The following MAML2 variants were observed in gnomAD, a reference collection of about 807,000 sequenced individuals.
MAML2 encodes the protein mastermind like transcriptional coactivator 2.
Under a neutral mutation model 96.1 loss-of-function variants are expected in MAML2, and 22 were observed. The ratio of observed to expected loss-of-function variants is 0.23; its 90% confidence interval spans 0.16 to 0.33. The LOEUF is 0.33. Ranked by LOEUF, MAML2 falls within the 10% of genes least tolerant of loss-of-function variation. MAML2 has a pLI of 1.00. For synonymous variants in MAML2, 561 were observed against 521.3 expected (o/e 1.08, Z -1.04); for missense variants, 1,367 against 1,392.4 (o/e 0.98, Z 0.29).
chr11:96,253,569 G>A (rs1862616715), intron 1 of MAML2, among the ~76,000 whole-genome samples: 1 of 152,176 alleles, frequency 6.6e-6, no homozygotes, highest in South Asian at 2.1e-4. Context: ...TGATTGCTGG[G>A]ATTTTTGCTG....
intron 1 of MAML2, among the ~76,000 whole-genome samples, chr11:96,117,492 G>A (rs1214469709): frequency 6.6e-6 from 1 of 151,806 alleles, no homozygotes; most frequent in African/African-American, 2.4e-5. Flanking sequence ...TTGAGACAAG[G>A]TTTTGCCACA....
At chr11:96,082,085 T>C (rs765075012) in intron 2 of MAML2, among the ~76,000 whole-genome samples, 1 of 152,202 alleles carries the variant, frequency 6.6e-6, no homozygotes, top group Non-Finnish European at 1.5e-5. Flanking sequence ...TCAGGCACTG[T>C]GTTTGCCCTT....
chr11:96,120,140 G>T lies in MAML2; in HGVS notation c.514-26623C>A, dbSNP rs941009547. Among the ~76,000 whole-genome samples, 11 of 152,142 alleles carry T rather than the reference G, an allele frequency of 7.2e-5. No homozygotes were observed. In the South Asian group the frequency reaches 2.3e-3, roughly 32 times the overall value. On this transcript the variant is annotated intron_variant, in intron 1 of 4. Coordinates refer to ENST00000524717, the MANE Select transcript of MAML2 (RefSeq NM_032427.4). ...GCCCGGCTAATTTTTTGTATTTTTA[G>T]TAGAGACAGGGTTTTGCCGTGTTAG...
intron 1 of MAML2, among the ~76,000 whole-genome samples, chr11:96,278,394 C>T (rs754850789): frequency 8.5e-5 from 13 of 152,138 alleles, no homozygotes; most frequent in Non-Finnish European, 1.6e-4. Context: ...TGTTGGTGGT[C>T]ACTGCCCTAA....
At chr11:96,255,119 C>T (rs1862644200) in intron 1 of MAML2, among the ~76,000 whole-genome samples, 1 of 152,192 alleles carries the variant, frequency 6.6e-6, no homozygotes, top group Non-Finnish European at 1.5e-5. Flanking sequence ...CGCAAGTTAC[C>T]ACACCCAGCC....
chr11:96,140,706 T>A (rs1388582336), intron 1 of MAML2, among the ~76,000 whole-genome samples: 1 of 152,142 alleles, frequency 6.6e-6, no homozygotes, highest in Non-Finnish European at 1.5e-5. Context: ...CCACTCCAGA[T>A]CTACATGACA....
At chr11:96,055,431 G>C (rs369435701) in intron 2 of MAML2, among the ~76,000 whole-genome samples, 1 of 151,536 alleles carries the variant, frequency 6.6e-6, no homozygotes, top group African/African-American at 2.4e-5. Flanking sequence ...AGGCAGGGGG[G>C]AAAAAAAAGA....
chr11:96,170,480 T>C (rs1171389661), intron 1 of MAML2, among the ~76,000 whole-genome samples: 1 of 152,220 alleles, frequency 6.6e-6, no homozygotes, highest in African/African-American at 2.4e-5. Context: ...TGCTTTCTGA[T>C]AAGCTTTTTA....
chr11:96,011,590 T>C (rs539680734), intron 2 of MAML2, among the ~76,000 whole-genome samples: 119 of 152,124 alleles, frequency 7.8e-4, no homozygotes, highest in Non-Finnish European at 1.2e-3. Context: ...GGAGAGAGGC[T>C]GGGGCAGACA....
chr11:96,333,963 ACTGAATT>A (rs1279189475), intron 1 of MAML2, among the ~76,000 whole-genome samples: 1 of 152,220 alleles, frequency 6.6e-6, no homozygotes, highest in Non-Finnish European at 1.5e-5. Context: ...GGAAACCCAG[ACTGAATT>A]CTAGAAGTAA....
chr11:96,162,176 C>CTTTTT (rs36006515), intron 1 of MAML2, among the ~76,000 whole-genome samples: 5 of 105,954 alleles, frequency 4.7e-5, no homozygotes, highest in Non-Finnish European at 7.5e-5. Context: ...ATCAATCTAA[C>CTTTTT]TTTTTTTTTT....
intron 3 of MAML2, among the ~76,000 whole-genome samples, chr11:95,988,602 TTA>T (rs1036955412): frequency 4.1e-5 from 6 of 147,712 alleles, no homozygotes; most frequent in Admixed American, 6.8e-5. Flanking sequence ...CATATATCAT[TTA>T]TATATATATA....
intron 1 of MAML2, among the ~76,000 whole-genome samples, chr11:96,208,787 A>T (rs1205216174): frequency 6.6e-6 from 1 of 152,218 alleles, no homozygotes; most frequent in Non-Finnish European, 1.5e-5. Context: ...CACCAGGGAA[A>T]GGTGAAGTCC....
At chr11:96,206,593 A>G (rs775974815) in intron 1 of MAML2, among the ~76,000 whole-genome samples, 2 of 152,242 alleles carry the variant, frequency 1.3e-5, no homozygotes, top group Non-Finnish European at 2.9e-5. Context: ...GCGAGACTCC[A>G]TCTCAAAAAA....
At chr11:96,243,801 A>C (rs556407619) in intron 1 of MAML2, among the ~76,000 whole-genome samples, 78 of 151,906 alleles carry the variant, frequency 5.1e-4, no homozygotes, top group East Asian at 1.2e-3. Context: ...CTACAGGCGC[A>C]CGCCACCACG....
chr11:96,230,256 G>A (rs1862274372), intron 1 of MAML2, among the ~76,000 whole-genome samples: 1 of 152,092 alleles, frequency 6.6e-6, no homozygotes, highest in Non-Finnish European at 1.5e-5. Context: ...AAAATTTTCA[G>A]TTTATAAAAA....
chr11:96,173,875 T>C (rs79005307), intron 1 of MAML2, among the ~76,000 whole-genome samples: 10,989 of 152,294 alleles, frequency 0.072, 493 homozygotes, highest in Non-Finnish European at 0.098. Context: ...TGTACTATTG[T>C]TTTTGCTCTT....
rs568285622 is a variant in MAML2 at position 96,163,493 on chromosome 11, T to C, written c.514-69976A>G. Among the ~76,000 whole-genome samples, 11 of 152,300 alleles carry C rather than the reference T, an allele frequency of 7.2e-5. No homozygotes were observed. The East Asian group carries it at 9.7e-4, about 13-fold the overall frequency. On this transcript the variant is annotated intron_variant, in intron 1 of 4. Transcript: ENST00000524717. Reference sequence around the variant, plus strand: ...AATAACCCTGGAGATCAACCAGAAATATTTCAAATGAGAAAACTGAAGCTG... The same window carrying C: ...AATAACCCTGGAGATCAACCAGAAACATTTCAAATGAGAAAACTGAAGCTG...
In MAML2 at chr11:96,342,427, C is replaced by A. The variant is rs987004902; in HGVS notation, c.-532G>T. Reference sequence around the variant, plus strand: ...TCTACCATGTCTATGTAACCAGCAGCCTTGACTTTTCCTCAGGTTAAATAA... The same window carrying A: ...TCTACCATGTCTATGTAACCAGCAGACTTGACTTTTCCTCAGGTTAAATAA... On this transcript the variant is annotated 5_prime_UTR_variant, in exon 1 of 5. Transcript: ENST00000524717. 16 of 398,662 alleles carry A rather than the reference C, an allele frequency of 4.0e-5. No homozygotes were observed. The highest frequency in any genetic ancestry group is 3.1e-4 in the African/African-American group (15 of 48,632). The allele number at this position is 398,662 out of a possible 1,614,324, so 24.7% of individuals were successfully genotyped here.
Sources: allele counts gnomAD v4.1 joint callset (sites outside exome capture counted in the v4.1 genomes callset), GRCh38; gene constraint gnomAD v4.1.1; transcripts MANE v1.5; gene names NCBI Gene and HGNC (gene_info 2026-07-23, HGNC 2026-07-21).